KDM6A: variants seen among roughly 807,000 people sequenced by gnomAD.
KDM6A encodes the protein lysine-specific demethylase 6A.
KDM6A carries 11 observed loss-of-function variants against 117.6 expected under a neutral mutation model. The observed-to-expected ratio is 0.09, with a 90% CI of 0.06 to 0.15. The LOEUF (loss-of-function observed/expected upper bound fraction) is 0.15. Ranked by LOEUF, KDM6A falls within the 10% of genes least tolerant of loss-of-function variation. The pLI is 1.00. For synonymous variants in KDM6A, 384 were observed against 396.1 expected (o/e 0.97, Z 0.36); for missense variants, 799 against 1,077.3 (o/e 0.74, Z 3.62).
At chrX:44,957,838 C>T (rs191398506) in intron 2 of KDM6A, among the ~76,000 whole-genome samples, 9 of 111,509 alleles carry the variant, frequency 8.1e-5, no homozygotes, top group East Asian at 2.8e-4. Context: ...ATTTAGTATA[C>T]GGATTGAATA....
intron 4 of KDM6A, among the ~76,000 whole-genome samples, chrX:44,987,620 T>C (rs1301889982): frequency 9.0e-6 from 1 of 111,641 alleles, no homozygotes; most frequent in African/African-American, 3.3e-5. Flanking sequence ...TAAAATCTCT[T>C]AGCATTTGCT....
intron 27 of KDM6A, among the ~76,000 whole-genome samples, chrX:45,094,543 T>C (rs184967027): frequency 9.2e-4 from 103 of 111,802 alleles, no homozygotes; most frequent in African/African-American, 3.3e-3. Context: ...AAAGAATAAA[T>C]CCCTTTTCTT....
At chrX:44,880,472 A>C in intron 2 of KDM6A, among the ~76,000 whole-genome samples, 1 of 103,747 alleles carries the variant, frequency 9.6e-6, no homozygotes, top group African/African-American at 3.6e-5. Context: ...TTTTTTTAAC[A>C]CCGTAGACAT....
chrX:44,959,251 C>T (rs1217282812), intron 2 of KDM6A, among the ~76,000 whole-genome samples: 1 of 109,595 alleles, frequency 9.1e-6, no homozygotes, highest in Non-Finnish European at 1.9e-5. Flanking sequence ...TGTATGGGTA[C>T]CTGAATTTAA....
intron 8 of KDM6A, among the ~76,000 whole-genome samples, chrX:45,049,025 C>T (rs1469523932): frequency 3.6e-5 from 4 of 111,384 alleles, no homozygotes; most frequent in African/African-American, 1.3e-4. Context: ...CTGTTCAGAA[C>T]ATTACCTGTG....
At chrX:44,909,946 T>G (rs2034977268) in intron 2 of KDM6A, among the ~76,000 whole-genome samples, 1 of 112,349 alleles carries the variant, frequency 8.9e-6, no homozygotes, top group Non-Finnish European at 1.9e-5. Context: ...TTGTTTTTAT[T>G]AAAATAACAC....
intron 4 of KDM6A, among the ~76,000 whole-genome samples, chrX:44,979,961 G>A (rs1296798173): frequency 1.9e-5 from 2 of 106,314 alleles, no homozygotes; most frequent in Non-Finnish European, 3.9e-5. Flanking sequence ...ATCAAGCAAT[G>A]TAAGTTCCCT....
chrX:44,990,506 C>T (rs1014613955), intron 4 of KDM6A, among the ~76,000 whole-genome samples: 2 of 109,497 alleles, frequency 1.8e-5, no homozygotes, highest in Admixed American at 9.8e-5. Flanking sequence ...GCCGAGATTG[C>T]GCCGTTGCAC....
chrX:45,103,714 G>T (rs769011195), intron 27 of KDM6A, among the ~76,000 whole-genome samples: 2 of 111,812 alleles, frequency 1.8e-5, no homozygotes, highest in African/African-American at 6.5e-5. Context: ...GGTTGGATTA[G>T]ATTCTAGTAT....
intron 2 of KDM6A, among the ~76,000 whole-genome samples, chrX:44,952,524 C>T (rs891692370): frequency 1.3e-4 from 14 of 110,872 alleles, no homozygotes; most frequent in Non-Finnish European, 2.1e-4. Context: ...CAACCCGCCT[C>T]GGCCTCCCAC....
At chrX:44,917,770 C>G (rs1259323496) in intron 2 of KDM6A, among the ~76,000 whole-genome samples, 1 of 112,184 alleles carries the variant, frequency 8.9e-6, no homozygotes, top group Non-Finnish European at 1.9e-5. Context: ...GGAGCTGGAA[C>G]TTAAACCAAG....
Position 45,069,904 on chromosome X carries a change from A to T in KDM6A, c.2405A>T (p.His802Leu), listed in dbSNP as rs756545808. The change falls in exon 18 of 30, where the codon CAT becomes CTT. Residue 802 changes from histidine to leucine, a missense_variant. Around this residue, in one of 8 missense-constraint regions of KDM6A, gnomAD observed 301 missense variants for 318.3 expected, o/e 0.95. Transcript: ENST00000611820. ...STASVEGLPNHVHQMTADAVC... is the reference protein window; with the variant it reads ...STASVEGLPNLVHQMTADAVC... Reference sequence around the variant, plus strand: ...GCCAGTGTCGAGGGACTTCCTAATCATGTCCATCAGATGACGGCAGATGCT... The same window carrying T: ...GCCAGTGTCGAGGGACTTCCTAATCTTGTCCATCAGATGACGGCAGATGCT... 1 of 1,211,518 alleles carries T rather than the reference A, an allele frequency of 8.3e-7. No individual in the cohort carries two copies. The highest frequency in any genetic ancestry group is 2.2e-5 in the Admixed American group (1 of 46,057).
At position 45,069,855 on chromosome X, in the gene KDM6A, A is replaced by G. The variant is rs761551642; in HGVS notation, c.2356A>G (p.Thr786Ala). ...ILTVPETSRH[T>A]GETPNSTASV... The stretch of plus-strand genomic sequence containing the variant: ...GACGGTGCCTGAAACAAGCAGGCAC[A>G]CTGGAGAGACACCTAACAGCACTGC... The change falls in exon 18 of 30, where the codon ACT becomes GCT. Residue 786 changes from threonine (T) to alanine (A), a missense_variant. Thr to Ala is a moderately conservative substitution (Grantham distance 58, BLOSUM62 0). This residue lies in a region of KDM6A where 301 missense variants were observed against 318.3 expected (regional missense o/e 0.95). Transcript: ENST00000611820. 8.3e-7 allele frequency: 1 copy of G among 1,211,808 alleles called. No individual in the cohort carries two copies. The highest frequency in any genetic ancestry group is 1.7e-5 in the African/African-American group (1 of 57,857).
chrX:44,874,446 C>T (rs903508615), intron 2 of KDM6A, among the ~76,000 whole-genome samples: 2 of 111,718 alleles, frequency 1.8e-5, no homozygotes, highest in African/African-American at 6.5e-5. Flanking sequence ...TTTCTTGTGT[C>T]CCCGCTCCCA....
chrX:45,087,341 T>C (rs1197350522), intron 25 of KDM6A, among the ~76,000 whole-genome samples: 2 of 113,262 alleles, frequency 1.8e-5, no homozygotes, highest in Admixed American at 9.3e-5. Flanking sequence ...GCTGTAAATA[T>C]TTGGATTTAG....
At chrX:44,976,992 T>A (rs183180255) in intron 4 of KDM6A, among the ~76,000 whole-genome samples, 1 of 111,669 alleles carries the variant, frequency 9.0e-6, no homozygotes, top group African/African-American at 3.3e-5. Flanking sequence ...CTCAGCACTT[T>A]TAATTATCTA....
chrX:44,877,487 CAG>C (rs778276622), intron 2 of KDM6A, among the ~76,000 whole-genome samples: 2 of 108,214 alleles, frequency 1.8e-5, no homozygotes, highest in East Asian at 5.7e-4. Context: ...AATATTTTAA[CAG>C]AAATTAACTT....
intron 18 of KDM6A, among the ~76,000 whole-genome samples, chrX:45,071,799 C>G (rs772743291): frequency 1.2e-5 from 1 of 81,826 alleles, no homozygotes; most frequent in African/African-American, 4.3e-5. Flanking sequence ...AAGACAGTTT[C>G]GCTCTTGTTG....
At chrX:44,934,662 A>G (rs1602253234) in intron 2 of KDM6A, among the ~76,000 whole-genome samples, 1 of 111,600 alleles carries the variant, frequency 9.0e-6, no homozygotes, top group African/African-American at 3.2e-5. Context: ...TAGATAGCCT[A>G]CGCCCATTAG....
Sources: gnomAD v4.1 joint callset for allele counts (sites outside exome capture counted in the v4.1 genomes callset) on GRCh38, gnomAD v4.1.1 for gene constraint, gnomAD v4.1.1 regional missense constraint, MANE v1.5 for transcripts, NCBI Gene and HGNC (gene_info 2026-07-23, HGNC 2026-07-21) for gene names.